Variants in FNDC3B observed in about 807,000 individuals in gnomAD.
FNDC3B encodes fibronectin type III domain containing 3B.
Under a neutral mutation model 151.5 loss-of-function variants are expected in FNDC3B, and 12 were observed. The ratio of observed to expected loss-of-function variants is 0.08; its 90% CI spans 0.05 to 0.13. FNDC3B has a LOEUF of 0.13. Among genes scored for constraint, FNDC3B ranks in the 10% least tolerant of loss-of-function variants. FNDC3B has a pLI of 1.00. For synonymous variants in FNDC3B, 528 were observed against 549.0 expected (o/e 0.96, Z 0.54); for missense variants, 1,214 against 1,505.3 (o/e 0.81, Z 3.20).
chr3:172,336,134 A>G (rs962087073), intron 15 of FNDC3B, among the ~76,000 whole-genome samples: 5 of 152,220 alleles, frequency 3.3e-5, no homozygotes, highest in Non-Finnish European at 7.3e-5. Context: ...CTACTGAAGT[A>G]TATATACATT....
chr3:172,290,730 T>C (rs561434994), intron 7 of FNDC3B, among the ~76,000 whole-genome samples: 4 of 152,344 alleles, frequency 2.6e-5, no homozygotes, highest in Admixed American at 2.0e-4. Flanking sequence ...TGGGAGCAGA[T>C]AGGCGGCTCT....
At chr3:172,185,135 A>G (rs1038242705) in intron 3 of FNDC3B, among the ~76,000 whole-genome samples, 22 of 152,240 alleles carry the variant, frequency 1.4e-4, no homozygotes, top group African/African-American at 5.1e-4. Context: ...TGGTCTATTA[A>G]TAACACTGAA....
chr3:172,231,440 A>C (rs1726883382), intron 4 of FNDC3B, among the ~76,000 whole-genome samples: 1 of 152,164 alleles, frequency 6.6e-6, no homozygotes, highest in Admixed American at 6.5e-5. Context: ...TGTTATATAA[A>C]CTAAATCTCA....
At chr3:172,133,915 G>T in intron 3 of FNDC3B, among the ~76,000 whole-genome samples, 1 of 152,158 alleles carries the variant, frequency 6.6e-6, no homozygotes, top group East Asian at 1.9e-4. Flanking sequence ...TGTTACCGCA[G>T]CTGGCTTCAG....
At position 172,253,643 on chromosome 3, in the gene FNDC3B, G is replaced by C. The variant is rs574074655; in HGVS notation, c.790+2102G>C. On this transcript the variant is annotated intron_variant, in intron 6 of 25. Coordinates refer to ENST00000415807, the MANE Select transcript of FNDC3B (RefSeq NM_022763.4). ...TAATACTAGTATGATAAACCTAATA[G>C]GTTCATATGTGGTTTGCACAAGAGT... is the stretch of plus-strand genomic sequence containing the variant. Among the ~76,000 whole-genome samples, 81 of 152,190 alleles carry C rather than the reference G, an allele frequency of 5.3e-4. 1 individual carries two copies. The highest frequency in any genetic ancestry group is 1.1e-3 in the Non-Finnish European group (73 of 68,000).
At chr3:172,236,157 A>G (rs1576825348) in intron 4 of FNDC3B, among the ~76,000 whole-genome samples, 1 of 152,338 alleles carries the variant, frequency 6.6e-6, no homozygotes, top group East Asian at 1.9e-4. Context: ...TTGGGATGGA[A>G]CTTTTTTCAC....
At chr3:172,204,582 T>A (rs936701691) in intron 3 of FNDC3B, among the ~76,000 whole-genome samples, 2 of 152,246 alleles carry the variant, frequency 1.3e-5, no homozygotes, top group African/African-American at 4.8e-5. Context: ...AAGAAAAGGC[T>A]AATTGATACA....
intron 2 of FNDC3B, 148 bp downstream of exon 2, chr3:172,112,738 C>T (rs1179320056): frequency 7.8e-6 from 5 of 640,546 alleles, no homozygotes; most frequent in South Asian, 3.7e-5. Context: ...AATACTGTAT[C>T]GTTTTTTAAA....
At chr3:172,199,927 C>G (rs1725053712) in intron 3 of FNDC3B, among the ~76,000 whole-genome samples, 2 of 152,186 alleles carry the variant, frequency 1.3e-5, no homozygotes, top group Non-Finnish European at 2.9e-5. Context: ...ATGGTGGGTT[C>G]TCTGCGCGCT....
chr3:172,233,720 G>A (rs565736550), intron 4 of FNDC3B, among the ~76,000 whole-genome samples: 9 of 152,330 alleles, frequency 5.9e-5, no homozygotes, highest in East Asian at 3.9e-4. Flanking sequence ...AAGGCACATG[G>A]GGGACTGCCC....
intron 3 of FNDC3B, among the ~76,000 whole-genome samples, chr3:172,222,721 G>A (rs1437257419): frequency 1.3e-5 from 2 of 152,250 alleles, no homozygotes; most frequent in South Asian, 2.1e-4. Flanking sequence ...AGCTCAGGCA[G>A]TAATGCTCGC....
chr3:172,142,191 C>T (rs1576903041), intron 3 of FNDC3B, among the ~76,000 whole-genome samples: 1 of 152,162 alleles, frequency 6.6e-6, no homozygotes, highest in Non-Finnish European at 1.5e-5. Context: ...TAAGCTTTCG[C>T]TCTTTATTAT....
chr3:172,218,506 C>A (rs1008128152), intron 3 of FNDC3B, among the ~76,000 whole-genome samples: 1 of 152,188 alleles, frequency 6.6e-6, no homozygotes, highest in African/African-American at 2.4e-5. Flanking sequence ...CATTTGGCCT[C>A]TGTGGTGAAT....
chr3:172,281,217 A>T (rs1026482773), intron 6 of FNDC3B, among the ~76,000 whole-genome samples: 15 of 72,134 alleles, frequency 2.1e-4, no homozygotes, highest in African/African-American at 9.9e-4. Flanking sequence ...TATTATTTAT[A>T]TTTATTTATT....
chr3:172,052,829 GA>G (rs1716732132), intron 1 of FNDC3B, among the ~76,000 whole-genome samples: 1 of 152,204 alleles, frequency 6.6e-6, no homozygotes, highest in South Asian at 2.1e-4. Context: ...GGAAAGAGGT[GA>G]GAATAGTGCT....
intron 16 of FNDC3B, among the ~76,000 whole-genome samples, chr3:172,340,172 G>T (rs73880148): frequency 6.6e-6 from 1 of 152,168 alleles, no homozygotes; most frequent in Non-Finnish European, 1.5e-5. Context: ...ATCAGCCTTG[G>T]GGGGCACCCA....
chr3:172,391,055 G>A (rs1400412364), intron 25 of FNDC3B, among the ~76,000 whole-genome samples: 1 of 152,094 alleles, frequency 6.6e-6, no homozygotes, highest in Non-Finnish European at 1.5e-5. Flanking sequence ...GGCAGAGCTG[G>A]GGCAATTTCA....
intron 2 of FNDC3B, among the ~76,000 whole-genome samples, chr3:172,133,051 T>C (rs1721184200): frequency 1.3e-5 from 2 of 152,302 alleles, no homozygotes; most frequent in South Asian, 4.1e-4. Context: ...TAGAATCATA[T>C]AACCAGATCA....
chr3:172,239,856 C>CTTTTTTTTTTTTTTTTTTTTTT lies in FNDC3B; in HGVS notation c.265-7668_265-7647dup, dbSNP rs71179981. 2.4e-4 allele frequency among the ~76,000 whole-genome samples: 12 copies of CTTTTTTTTTTTTTTTTTTTTTT among 49,914 alleles called. 3 individuals are homozygous for CTTTTTTTTTTTTTTTTTTTTTT. Among genetic ancestry groups the CTTTTTTTTTTTTTTTTTTTTTT allele is most frequent in the African/African-American group, 4.5e-4 (6 of 13,318 alleles). The allele number at this position is 49,914 out of a possible 152,430, so 32.7% of individuals were successfully genotyped here. ...TGTTTTTAGGAGATCCATTTTAGTT[C>CTTTTTTTTTTTTTTTTTTTTTT]TTTTTTTTTTTTTTTTTTTTTTTTT... On this transcript the variant is annotated intron_variant, in intron 4 of 25. Transcript: ENST00000415807.
Sources: allele counts gnomAD v4.1 joint callset (sites outside exome capture counted in the v4.1 genomes callset), GRCh38; gene constraint gnomAD v4.1.1; transcripts MANE v1.5; gene names NCBI Gene and HGNC (gene_info 2026-07-23, HGNC 2026-07-21).